The following AKT3 variants were observed in gnomAD, a reference collection of about 807,000 sequenced individuals.
AKT3 encodes the protein AKT serine/threonine kinase 3.
Under a neutral mutation model 65.3 loss-of-function variants are expected in AKT3, and 15 were observed. The ratio of observed to expected loss-of-function variants is 0.23; its 90% CI spans 0.15 to 0.35. AKT3 has a LOEUF of 0.35. Ranked by LOEUF, AKT3 falls within the 10% of genes least tolerant of loss-of-function variation. The pLI, the probability that AKT3 is intolerant of heterozygous loss-of-function variation, is 1.00. For missense variants in AKT3, 243 were observed against 576.5 expected, an observed-to-expected ratio of 0.42 and a Z score of 5.92; for synonymous variants, 206 against 183.8, an observed-to-expected ratio of 1.12 and a Z score of -0.98.
chr1:243,765,156 T>A (rs1045747287), intron 2 of AKT3, among the ~76,000 whole-genome samples: 4 of 152,066 alleles, frequency 2.6e-5, no homozygotes, highest in Non-Finnish European at 5.9e-5. Context: ...CCTAAGTATT[T>A]GAGATTATAT....
chr1:243,670,517 G>A (rs1683086289), intron 3 of AKT3, among the ~76,000 whole-genome samples: 1 of 152,128 alleles, frequency 6.6e-6, no homozygotes, highest in South Asian at 2.1e-4. Context: ...TTTGCCTTTT[G>A]GTTACGTAAA....
intron 8 of AKT3, among the ~76,000 whole-genome samples, chr1:243,600,363 A>G (rs1254428598): frequency 6.6e-6 from 1 of 152,144 alleles, no homozygotes; most frequent in East Asian, 1.9e-4. Flanking sequence ...AAATTTAAAA[A>G]GAATATCAAA....
At chr1:243,601,314 A>T (rs1169474607) in intron 8 of AKT3, among the ~76,000 whole-genome samples, 1 of 152,176 alleles carries the variant, frequency 6.6e-6, no homozygotes, top group African/African-American at 2.4e-5. Context: ...AAGATGATGT[A>T]TAAATGGCAA....
intron 2 of AKT3, among the ~76,000 whole-genome samples, chr1:243,807,107 C>T (rs1055554295): frequency 1.3e-5 from 2 of 152,280 alleles, no homozygotes; most frequent in Non-Finnish European, 2.9e-5. Context: ...CCAGTGTGAG[C>T]GACACAGAAG....
chr1:243,684,979 C>A (rs1200122152), intron 3 of AKT3, among the ~76,000 whole-genome samples: 2 of 152,064 alleles, frequency 1.3e-5, no homozygotes, highest in African/African-American at 2.4e-5. Context: ...TTGTTCATAT[C>A]CTTTGCCCAC....
chr1:243,723,887 C>G (rs1021112450), intron 2 of AKT3, among the ~76,000 whole-genome samples: 1 of 152,116 alleles, frequency 6.6e-6, no homozygotes, highest in Non-Finnish European at 1.5e-5. Flanking sequence ...CCAGTGCACT[C>G]CAGCCTGAGA....
At chr1:243,637,027 T>C (rs554145288) in intron 6 of AKT3, among the ~76,000 whole-genome samples, 5 of 152,276 alleles carry the variant, frequency 3.3e-5, no homozygotes, top group Admixed American at 1.3e-4. Context: ...GACCAATTTG[T>C]AAAGTGTATC....
intron 2 of AKT3, among the ~76,000 whole-genome samples, chr1:243,771,559 C>A (rs1044302478): frequency 1.3e-5 from 2 of 152,086 alleles, no homozygotes; most frequent in African/African-American, 4.8e-5. Flanking sequence ...GCTCTAAGTA[C>A]AAACTTCAGA....
chr1:243,659,751 C>T (rs559141036), intron 4 of AKT3, among the ~76,000 whole-genome samples: 45 of 152,188 alleles, frequency 3.0e-4, no homozygotes, highest in South Asian at 1.2e-3. Flanking sequence ...GAGAGATATA[C>T]AGATTTAGTT....
intron 2 of AKT3, among the ~76,000 whole-genome samples, chr1:243,762,732 C>T (rs559764195): frequency 6.6e-6 from 1 of 152,154 alleles, no homozygotes; most frequent in East Asian, 1.9e-4. Flanking sequence ...ATCTTCTAAT[C>T]TCCCAAAATC....
intron 3 of AKT3, among the ~76,000 whole-genome samples, chr1:243,682,111 A>G (rs1683967570): frequency 6.6e-6 from 1 of 152,142 alleles, no homozygotes; most frequent in Admixed American, 6.5e-5. Context: ...ACTAAAAAAA[A>G]AATTCAACAA....
chr1:243,575,075 A>T (rs759524354), intron 8 of AKT3, among the ~76,000 whole-genome samples: 9 of 152,126 alleles, frequency 5.9e-5, no homozygotes, highest in Non-Finnish European at 1.2e-4. Context: ...TACCCTTACT[A>T]CTTTATGGAA....
At chr1:243,740,588 T>C (rs1348974640) in intron 2 of AKT3, 5 of 152,242 alleles carry the variant, frequency 3.3e-5, no homozygotes, top group Non-Finnish European at 5.9e-5. Flanking sequence ...TAAAGTTTTA[T>C]TGGAACACTC....
intron 6 of AKT3, among the ~76,000 whole-genome samples, chr1:243,620,610 AC>A (rs1232688994): frequency 6.6e-6 from 1 of 152,060 alleles, no homozygotes; most frequent in Non-Finnish European, 1.5e-5. Context: ...AAACTTGAGC[AC>A]TGGCCCAGAT....
chr1:243,677,237 T>C (rs1477623180), intron 3 of AKT3, among the ~76,000 whole-genome samples: 2 of 152,210 alleles, frequency 1.3e-5, no homozygotes, highest in African/African-American at 4.8e-5. Flanking sequence ...ACTCAAGATC[T>C]TCTCTTATTC....
chr1:243,688,948 G>C (rs1684513639), intron 3 of AKT3, among the ~76,000 whole-genome samples: 1 of 151,914 alleles, frequency 6.6e-6, no homozygotes, highest in South Asian at 2.1e-4. Context: ...ACCTGAGACT[G>C]TCCTCTGTCT....
intron 8 of AKT3, among the ~76,000 whole-genome samples, chr1:243,587,389 T>C (rs1675887398): frequency 6.6e-6 from 1 of 152,100 alleles, no homozygotes; most frequent in Admixed American, 6.6e-5. Context: ...GACTGGCAGA[T>C]TGCCTGAGCT....
chr1:243,601,195 A>AAT (rs1676974421), intron 8 of AKT3, among the ~76,000 whole-genome samples: 1 of 152,102 alleles, frequency 6.6e-6, no homozygotes, highest in Non-Finnish European at 1.5e-5. Context: ...ATATTTATAA[A>AAT]ATATATATAT....
chr1:243,552,960 T>TA lies in AKT3; in HGVS notation c.949-18dup. 6.6e-7 allele frequency: 1 copy of TA among 1,526,338 alleles called. No individual in the cohort carries two copies. The highest frequency in any genetic ancestry group is 8.9e-7 in the Non-Finnish European group (1 of 1,122,284). The allele number at this position is 1,526,338 out of a possible 1,614,324, so 94.5% of individuals were successfully genotyped here. Reference sequence around the variant, plus strand: ...TTCTAACACCTAAAAGTGAAATCAGTAAAAAGATTAATTATTACATGTTAA... The same window carrying TA: ...TTCTAACACCTAAAAGTGAAATCAGTAAAAAAGATTAATTATTACATGTTAA... On this transcript the variant is annotated splice_polypyrimidine_tract_variant and intron_variant, in intron 10 of 13. Coordinates refer to ENST00000673466, the MANE Select transcript of AKT3 (RefSeq NM_005465.7).
Sources: gnomAD v4.1 joint callset for allele counts (sites outside exome capture counted in the v4.1 genomes callset) on GRCh38, gnomAD v4.1.1 for gene constraint, MANE v1.5 for transcripts, NCBI Gene and HGNC (gene_info 2026-07-23, HGNC 2026-07-21) for gene names.